Variants in DACH1 observed in about 807,000 individuals in gnomAD.
DACH1 encodes dachshund homolog 1.
A neutral mutation model predicts 54.2 loss-of-function variants in DACH1; 12 were observed. That is an observed-to-expected ratio of 0.22 (90% CI 0.14 to 0.36). The LOEUF (loss-of-function observed/expected upper bound fraction) is 0.36. Among genes scored for constraint, DACH1 ranks in the 10% least tolerant of loss-of-function variants. The pLI, the probability that DACH1 is intolerant of heterozygous loss-of-function variation, is 1.00. For synonymous variants in DACH1, 386 were observed against 366.2 expected, an observed-to-expected ratio of 1.05 and a Z score of -0.62; for missense variants, 805 against 929.8, an observed-to-expected ratio of 0.87 and a Z score of 1.75.
At chr13:71,843,965 T>C (rs1490377224) in intron 1 of DACH1, among the ~76,000 whole-genome samples, 1 of 152,120 alleles carries the variant, frequency 6.6e-6, no homozygotes, top group Non-Finnish European at 1.5e-5. Flanking sequence ...AAGTCATAAA[T>C]GCGAAGAATC....
At chr13:71,567,879 T>C (rs1884985887) in intron 4 of DACH1, among the ~76,000 whole-genome samples, 1 of 152,018 alleles carries the variant, frequency 6.6e-6, no homozygotes, top group Non-Finnish European at 1.5e-5. Context: ...ACATTGTGAA[T>C]TTATTAAATA....
intron 8 of DACH1, among the ~76,000 whole-genome samples, chr13:71,477,104 A>ATT (rs565497537): frequency 2.1e-4 from 9 of 43,256 alleles, no homozygotes; most frequent in African/African-American, 7.7e-4. Flanking sequence ...ATATATATAT[A>ATT]TTTTTTTTTT....
intron 1 of DACH1, among the ~76,000 whole-genome samples, chr13:71,760,710 C>A (rs1188615840): frequency 3.3e-5 from 5 of 152,158 alleles, no homozygotes; most frequent in Non-Finnish European, 5.9e-5. Flanking sequence ...ATTTCTTTTT[C>A]AGTGCCATTG....
At chr13:71,527,605 T>TA (rs1382499803) in intron 6 of DACH1, among the ~76,000 whole-genome samples, 1 of 152,114 alleles carries the variant, frequency 6.6e-6, no homozygotes, top group Non-Finnish European at 1.5e-5. Context: ...GGGAAACAAT[T>TA]ACAATGAGAG....
intron 1 of DACH1, 48 bp downstream of exon 1, chr13:71,865,874 G>A (rs1312849535): frequency 1.3e-6 from 2 of 1,528,040 alleles, no homozygotes; most frequent in African/African-American, 1.4e-5. Flanking sequence ...AGGCGAGCAG[G>A]CTGGTGGGAA....
At chr13:71,468,057 G>A (rs764660050) in intron 10 of DACH1, among the ~76,000 whole-genome samples, 67 of 151,964 alleles carry the variant, frequency 4.4e-4, no homozygotes, top group Non-Finnish European at 6.5e-4. Flanking sequence ...TTTTAAATAT[G>A]GAAAACGTGG....
At chr13:71,511,306 G>C (rs1438635597) in intron 6 of DACH1, among the ~76,000 whole-genome samples, 1 of 151,912 alleles carries the variant, frequency 6.6e-6, no homozygotes, top group African/African-American at 2.4e-5. Context: ...AAATTTGTGG[G>C]AATTTGTGAG....
chr13:71,674,263 C>T (rs1488451907), intron 2 of DACH1, among the ~76,000 whole-genome samples: 1 of 151,994 alleles, frequency 6.6e-6, no homozygotes, highest in Non-Finnish European at 1.5e-5. Context: ...TGCCAATGGC[C>T]TCCAAAATTA....
chr13:71,742,165 C>T (rs1222326737), intron 1 of DACH1, among the ~76,000 whole-genome samples: 7 of 152,092 alleles, frequency 4.6e-5, no homozygotes, highest in Non-Finnish European at 8.8e-5. Flanking sequence ...AAGTACCTTT[C>T]GCCTCCTGCC....
At chr13:71,714,315 G>A (rs1224202597) in intron 1 of DACH1, among the ~76,000 whole-genome samples, 1 of 151,670 alleles carries the variant, frequency 6.6e-6, no homozygotes, top group Non-Finnish European at 1.5e-5. Flanking sequence ...ACAGAACGAA[G>A]AAACGGGGAC....
chr13:71,572,700 A>G, intron 4 of DACH1, 140 bp downstream of exon 4: 1 of 887,210 alleles, frequency 1.1e-6, no homozygotes, highest in Non-Finnish European at 1.6e-6. Context: ...GCCATTTGCT[A>G]CAAGTGATTT....
intron 1 of DACH1, among the ~76,000 whole-genome samples, chr13:71,684,403 T>A (rs1881055796): frequency 6.6e-6 from 1 of 152,166 alleles, no homozygotes; most frequent in Non-Finnish European, 1.5e-5. Context: ...ACTTTATTCC[T>A]ACATTCATAG....
chr13:71,442,940 G>A (rs1403315715), intron 10 of DACH1, among the ~76,000 whole-genome samples: 1 of 151,256 alleles, frequency 6.6e-6, no homozygotes, highest in Non-Finnish European at 1.5e-5. Context: ...TAGATAAGGA[G>A]GGACTACTGT....
Position 71,520,725 on chromosome 13 carries a change from T to C in DACH1, c.1571-31577A>G, listed in dbSNP as rs1267719241. On this transcript the variant is annotated intron_variant, in intron 6 of 10. Transcript: ENST00000613252. ...ACTTAAAAGGAAATTGAATTAACAA[T>C]AGCAGCCTGTGTGCCTGATATCAGG... 2.0e-5 allele frequency among the ~76,000 whole-genome samples: 3 copies of C among 151,690 alleles called. No homozygotes were observed. The South Asian group carries it at 6.2e-4, about 31-fold the overall frequency.
chr13:71,840,298 C>T (rs991311298), intron 1 of DACH1, among the ~76,000 whole-genome samples: 2 of 152,096 alleles, frequency 1.3e-5, no homozygotes, highest in African/African-American at 2.4e-5. Flanking sequence ...GTTTAAAACG[C>T]CTTCAATTTG....
intron 2 of DACH1, among the ~76,000 whole-genome samples, chr13:71,660,600 C>T (rs1026463782): frequency 2.6e-5 from 4 of 151,914 alleles, no homozygotes; most frequent in African/African-American, 7.2e-5. Flanking sequence ...CAGCAGCAAA[C>T]CCTAGTCTTA....
At chr13:71,479,023 T>G in intron 8 of DACH1, 146 bp downstream of exon 8, 4 of 665,378 alleles carry the variant, frequency 6.0e-6, no homozygotes, top group Non-Finnish European at 9.2e-6. Context: ...AGAAATACAA[T>G]GAGCCTAGGA....
chr13:71,798,319 CATACATATATATATATATAT>C (rs1178914464), intron 1 of DACH1, among the ~76,000 whole-genome samples: 5 of 85,464 alleles, frequency 5.9e-5, no homozygotes, highest in African/African-American at 2.6e-4. Context: ...GAACTTGTTA[CATACATATATATATATATAT>C]ATATATATAT....
At chr13:71,492,521 G>A (rs1385477749) in intron 6 of DACH1, among the ~76,000 whole-genome samples, 1 of 152,106 alleles carries the variant, frequency 6.6e-6, no homozygotes, top group Non-Finnish European at 1.5e-5. Flanking sequence ...GCCCTTGGAA[G>A]GAGCTCATTT....
Sources: gnomAD v4.1 joint callset for allele counts (sites outside exome capture counted in the v4.1 genomes callset) on GRCh38, gnomAD v4.1.1 for gene constraint, MANE v1.5 for transcripts, NCBI Gene and HGNC (gene_info 2026-07-23, HGNC 2026-07-21) for gene names.